Variants in ATP2C2 observed in about 807,000 individuals in gnomAD.
ATP2C2 encodes ATPase secretory pathway Ca2+ transporting 2, also known as calcium-transporting ATPase type 2C member 2.
A neutral mutation model predicts 110.8 loss-of-function variants in ATP2C2; 171 were observed. That is an observed-to-expected ratio of 1.54 (90% CI 1.36 to 1.75). ATP2C2 has a LOEUF of 1.75. Ranked by LOEUF, ATP2C2 falls within the 40% of genes most tolerant of loss-of-function variation. The pLI is 0.00. For missense variants in ATP2C2, 1,963 were observed against 1,235.0 expected, an observed-to-expected ratio of 1.59 and a Z score of -8.84; for synonymous variants, 804 against 508.4, an observed-to-expected ratio of 1.58 and a Z score of -7.82.
intron 11 of ATP2C2, among the ~76,000 whole-genome samples, chr16:84,427,900 A>G (rs1907939561): frequency 6.6e-6 from 1 of 152,186 alleles, no homozygotes; most frequent in Admixed American, 6.5e-5. Context: ...TACACTAACC[A>G]CCATTCAATT....
chr16:84,447,434 C>T (rs939098680), intron 16 of ATP2C2, among the ~76,000 whole-genome samples: 2 of 151,874 alleles, frequency 1.3e-5, no homozygotes, highest in Non-Finnish European at 1.5e-5. Context: ...CCTCCCTCCC[C>T]ACCACCCACC....
chr16:84,460,829 T>C, intron 24 of ATP2C2, 28 bp downstream of exon 24: 1 of 1,594,872 alleles, frequency 6.3e-7, no homozygotes, highest in Non-Finnish European at 8.6e-7. Flanking sequence ...CGGCCTGTTC[T>C]CCAAGCCCTG....
intron 9 of ATP2C2, among the ~76,000 whole-genome samples, 192 bp downstream of exon 9, chr16:84,422,889 T>C (rs1285673862): frequency 6.6e-6 from 1 of 152,056 alleles, no homozygotes; most frequent in Non-Finnish European, 1.5e-5. Flanking sequence ...GGTCTCAAAC[T>C]CCTGAGCTCA....
At chr16:84,391,734 C>G (rs1038885311) in intron 1 of ATP2C2, among the ~76,000 whole-genome samples, 6 of 152,152 alleles carry the variant, frequency 3.9e-5, no homozygotes, top group African/African-American at 1.4e-4. Context: ...GTTTTAGCTT[C>G]CAGAACTGAG....
chr16:84,423,728 T>A (rs1907559173), intron 10 of ATP2C2, among the ~76,000 whole-genome samples: 1 of 152,200 alleles, frequency 6.6e-6, no homozygotes, highest in East Asian at 1.9e-4. Context: ...GAATCATCAA[T>A]TTGACCATCT....
chr16:84,459,294 C>G lies in ATP2C2; in HGVS notation c.2241C>G (p.Ile747Met), dbSNP rs778418567. ...LSTSISALSL[I>M]TLSTVFNLPS... ...GGAGCATCTCCGCCCTGAGTCTCAT[C>G]ACTCTGTCCACCGTGTTCAACCTGC... is the stretch of plus-strand genomic sequence containing the variant. Residue 747 changes from isoleucine to methionine, a missense_variant, in exon 23 of 27, where the codon ATC (isoleucine) becomes ATG (methionine). Ile to Met is a conservative substitution (Grantham distance 10, BLOSUM62 1). Coordinates refer to ENST00000262429, the MANE Select transcript of ATP2C2 (RefSeq NM_014861.4). 11 of 1,614,220 alleles carry G rather than the reference C, an allele frequency of 6.8e-6. No homozygotes were observed. The African/African-American group carries it at 8.0e-5, about 12-fold the overall frequency.
intron 21 of ATP2C2, among the ~76,000 whole-genome samples, chr16:84,455,535 T>C (rs1396844981): frequency 1.3e-5 from 2 of 149,614 alleles, no homozygotes; most frequent in African/African-American, 4.9e-5. Flanking sequence ...TGTTTCACTT[T>C]TCTGTATTTT....
chr16:84,414,559 C>G (rs115441977), intron 6 of ATP2C2, among the ~76,000 whole-genome samples: 48 of 152,316 alleles, frequency 3.2e-4, no homozygotes, highest in African/African-American at 1.1e-3. Flanking sequence ...GCCAGTGTTG[C>G]ATGATGTGCT....
At chr16:84,418,693 C>T (rs954534353) in intron 7 of ATP2C2, among the ~76,000 whole-genome samples, 4 of 152,180 alleles carry the variant, frequency 2.6e-5, no homozygotes, top group Admixed American at 1.3e-4. Context: ...CCTCTAGCTC[C>T]GCAGCCCATG....
In ATP2C2 at chr16:84,368,621, C is replaced by G. The variant is rs1909766542; in HGVS notation, c.6C>G (p.Val2=). 6.4e-6 allele frequency: 10 copies of G among 1,557,830 alleles called. No individual in the cohort carries two copies. The highest frequency in any genetic ancestry group is 7.8e-6 in the Non-Finnish European group (9 of 1,152,192). The part of the protein sequence containing the change: M[V]EGRVSEFLKK... ...AACGCCTGCGCCCGCTCACCATGGT[C>G]GAGGGACGCGTCTCCGAGTTCCTGA... The change falls in exon 1 of 27, where the codon GTC becomes GTG. Residue 2 remains valine (V), a synonymous_variant. Coordinates refer to ENST00000262429, the MANE Select transcript of ATP2C2 (RefSeq NM_014861.4).
chr16:84,448,800 G>A, intron 17 of ATP2C2, 111 bp downstream of exon 17: 1 of 1,411,588 alleles, frequency 7.1e-7, no homozygotes, highest in Non-Finnish European at 9.5e-7. Context: ...CAAGGAGTCA[G>A]GCAGCATGCT....
chr16:84,440,820 C>T (rs1172177239), intron 13 of ATP2C2, 37 bp from the exon 14 acceptor site: 2 of 1,539,642 alleles, frequency 1.3e-6, no homozygotes, highest in African/African-American at 2.7e-5. Flanking sequence ...ATGTTTTTGA[C>T]TCTTGGCGAA....
intron 16 of ATP2C2, among the ~76,000 whole-genome samples, chr16:84,446,978 C>T (rs540401222): frequency 2.0e-5 from 3 of 152,202 alleles, no homozygotes; most frequent in African/African-American, 4.8e-5. Flanking sequence ...CGTGTGCACA[C>T]GTGTTGTCCC....
At chr16:84,463,564 C>T (rs749403226) in intron 26 of ATP2C2, 50 bp from the exon 27 acceptor site, 1 of 1,526,950 alleles carries the variant, frequency 6.5e-7, no homozygotes, top group South Asian at 1.1e-5. Flanking sequence ...CCTGCCGGCG[C>T]AACAGAGCTG....
intron 1 of ATP2C2, among the ~76,000 whole-genome samples, chr16:84,384,040 C>A (rs1040339101): frequency 1.3e-5 from 2 of 152,142 alleles, no homozygotes; most frequent in African/African-American, 2.4e-5. Flanking sequence ...CCTCCCACCT[C>A]AGCCTCCCAA....
intron 17 of ATP2C2, among the ~76,000 whole-genome samples, chr16:84,450,159 A>T (rs545196687): frequency 3.9e-5 from 6 of 152,348 alleles, no homozygotes; most frequent in African/African-American, 1.4e-4. Context: ...CCCAGTGTAC[A>T]CGCAGGTCCT....
At chr16:84,441,854 C>A (rs1426629403) in intron 14 of ATP2C2, among the ~76,000 whole-genome samples, 1 of 152,116 alleles carries the variant, frequency 6.6e-6, no homozygotes, top group Non-Finnish European at 1.5e-5. Context: ...ACCAGGGAGG[C>A]AGAGGTTGCA....
At chr16:84,375,067 A>G (rs1004606993) in intron 1 of ATP2C2, among the ~76,000 whole-genome samples, 2 of 152,236 alleles carry the variant, frequency 1.3e-5, no homozygotes, top group African/African-American at 4.8e-5. Context: ...ATGAAAACAA[A>G]TACTTTAAAA....
intron 26 of ATP2C2, 89 bp downstream of exon 26, chr16:84,462,218 G>T (rs1402397340): frequency 6.5e-7 from 1 of 1,528,284 alleles, no homozygotes; most frequent in Admixed American, 1.9e-5. Flanking sequence ...GCCCAGGAGG[G>T]GTCAGTGCGG....
Sources: gnomAD v4.1 joint callset for allele counts (sites outside exome capture counted in the v4.1 genomes callset) on GRCh38, gnomAD v4.1.1 for gene constraint, MANE v1.5 for transcripts, NCBI Gene and HGNC (gene_info 2026-07-23, HGNC 2026-07-21) for gene names.